Variants in ADGRV1 observed in about 807,000 individuals in gnomAD.
The protein encoded by ADGRV1 is G-protein coupled receptor 98.
In ADGRV1, 359 loss-of-function variants were observed where a neutral mutation model predicts 596.2. The ratio of observed to expected loss-of-function variants is 0.60; its 90% CI spans 0.55 to 0.66. The LOEUF (loss-of-function observed/expected upper bound fraction) is 0.66, where lower values mean the gene tolerates loss of function less well. Among genes scored for constraint, ADGRV1 ranks in the 30% least tolerant of loss-of-function variants. The pLI, the probability that ADGRV1 is intolerant of heterozygous loss-of-function variation, is 0.00. For missense variants in ADGRV1, 7,274 were observed against 7,575.6 expected, an observed-to-expected ratio of 0.96 and a Z score of 1.48; for synonymous variants, 2,681 against 2,679.2, an observed-to-expected ratio of 1.00 and a Z score of -0.02.
At chr5:90,617,513 T>TAA (rs1763520743) in intron 2 of ADGRV1, 2 of 206,224 alleles carry the variant, frequency 9.7e-6, no homozygotes, top group Non-Finnish European at 2.0e-5. Context: ...TTTCACCATA[T>TAA]TGGCCAGGCT....
rs1761522267 is a variant in ADGRV1 at position 90,802,866 on chromosome 5, A to C, written c.14645A>C (p.Lys4882Thr). The C allele has an allele frequency of 6.2e-7, 1 of 1,607,144 alleles. No homozygotes were observed. Among genetic ancestry groups the C allele is most frequent in the Non-Finnish European group, 8.5e-7 (1 of 1,176,652 alleles). The change falls in exon 71 of 90, where the codon AAA becomes ACA. Residue 4882 changes from lysine to threonine, a missense_variant. Around this residue, in one of 5 missense-constraint regions of ADGRV1, gnomAD observed 1,874 missense variants for 1,970.2 expected, o/e 0.95. Coordinates refer to ENST00000405460, the MANE Select transcript of ADGRV1 (RefSeq NM_032119.4). Reference protein sequence around the residue: ...AKSAVLPVSEKAANSQVGFES... With the variant: ...AKSAVLPVSETAANSQVGFES... ...TCTGCTGTCCTTCCAGTCTCTGAGA[A>C]AGCTGCCAATTCTCAGGTAATTGGC...
At chr5:90,743,504 A>C (rs1754229103) in intron 50 of ADGRV1, among the ~76,000 whole-genome samples, 1 of 137,564 alleles carries the variant, frequency 7.3e-6, no homozygotes, top group Admixed American at 7.7e-5. Flanking sequence ...TGGAGTCTTA[A>C]TGTGTCGCCC....
intron 57 of ADGRV1, among the ~76,000 whole-genome samples, chr5:90,758,895 T>C (rs1346833586): frequency 6.6e-6 from 1 of 152,212 alleles, no homozygotes; most frequent in African/African-American, 2.4e-5. Context: ...TCTTTTTGAC[T>C]ACGTTGCAAG....
At chr5:90,734,581 ATTTTTTTTT>A (rs3045850) in intron 50 of ADGRV1, among the ~76,000 whole-genome samples, 2 of 101,100 alleles carry the variant, frequency 2.0e-5, no homozygotes, top group Admixed American at 1.2e-4. Context: ...TCTTTAGCCT[ATTTTTTTTT>A]TTTTTTTTTT....
intron 64 of ADGRV1, chr5:90,779,555 C>T (rs1427521636): frequency 1.3e-5 from 2 of 152,304 alleles, no homozygotes; most frequent in African/African-American, 4.8e-5. Context: ...GATGCTTGCC[C>T]CATAGTTTTA....
rs1010574594 is a variant in ADGRV1 at position 90,807,467 on chromosome 5, T to C, written c.14837-135T>C. ...AAGTTTACCTCTCCCCCGACCCCTT[T>C]TTAAAAATGTTTTACCTTTTGTGAA... On this transcript the variant is annotated intron_variant, in intron 72 of 89. Coordinates refer to ENST00000405460, the MANE Select transcript of ADGRV1 (RefSeq NM_032119.4). 9 of 864,700 alleles carry C rather than the reference T, an allele frequency of 1.0e-5. No homozygotes were observed. The African/African-American group carries it at 1.5e-4, about 15-fold the overall frequency. The allele number at this position is 864,700 out of a possible 1,614,324, so 53.6% of individuals were successfully genotyped here.
intron 83 of ADGRV1, among the ~76,000 whole-genome samples, chr5:90,917,478 T>C (rs760796546): frequency 4.6e-5 from 7 of 151,806 alleles, no homozygotes; most frequent in Non-Finnish European, 7.4e-5. Flanking sequence ...GCCAACCATG[T>C]GCTAGCAGTG....
intron 70 of ADGRV1, among the ~76,000 whole-genome samples, chr5:90,795,666 C>T (rs977046332): frequency 6.6e-6 from 1 of 152,220 alleles, no homozygotes; most frequent in Admixed American, 6.5e-5. Context: ...AGACTGCCTC[C>T]TCAAGTGGAT....
intron 37 of ADGRV1, 143 bp downstream of exon 37, chr5:90,705,722 C>T: frequency 1.5e-6 from 1 of 645,526 alleles, no homozygotes; most frequent in South Asian, 2.2e-5. Context: ...TTTATAACTT[C>T]TTTATCTTTG....
intron 83 of ADGRV1, among the ~76,000 whole-genome samples, chr5:90,906,095 A>G (rs1367856314): frequency 6.6e-6 from 1 of 152,106 alleles, no homozygotes; most frequent in Non-Finnish European, 1.5e-5. Context: ...ACCATGATGA[A>G]TAATGTTTTT....
At chr5:90,945,385 A>G (rs972872075) in intron 83 of ADGRV1, among the ~76,000 whole-genome samples, 1 of 152,160 alleles carries the variant, frequency 6.6e-6, no homozygotes, top group Non-Finnish European at 1.5e-5. Context: ...CTGTGGTTCA[A>G]GCAGGGCTTC....
chr5:90,662,512 G>A lies in ADGRV1; in HGVS notation c.4752+4234G>A, dbSNP rs537978777. 2.4e-4 allele frequency among the ~76,000 whole-genome samples: 36 copies of A among 152,052 alleles called. No individual in the cohort carries two copies. In the South Asian group the frequency reaches 7.3e-3, roughly 31 times the overall value. Reference sequence around the variant, plus strand: ...CCAGCCAGTTAAAGTACTTTTTAAAGCAAACCTCAGGCGTTATGTTATTTC... The same window carrying A: ...CCAGCCAGTTAAAGTACTTTTTAAAACAAACCTCAGGCGTTATGTTATTTC... On this transcript the variant is annotated intron_variant, in intron 21 of 89. Transcript: ENST00000405460.
intron 85 of ADGRV1, among the ~76,000 whole-genome samples, chr5:91,025,554 G>A (rs1422256750): frequency 6.6e-6 from 1 of 152,140 alleles, no homozygotes; most frequent in Non-Finnish European, 1.5e-5. Flanking sequence ...GGAAGGGCAT[G>A]CTGTCAGATA....
At chr5:90,746,763 A>C (rs1754676061) in intron 52 of ADGRV1, among the ~76,000 whole-genome samples, 1 of 152,208 alleles carries the variant, frequency 6.6e-6, no homozygotes, top group Admixed American at 6.5e-5. Flanking sequence ...AGACTCTAGA[A>C]AATGGCTTAT....
intron 1 of ADGRV1, among the ~76,000 whole-genome samples, chr5:90,586,235 AAT>A (rs757497987): frequency 2.0e-5 from 3 of 152,248 alleles, no homozygotes; most frequent in Admixed American, 6.5e-5. Flanking sequence ...ATGTCTACAT[AAT>A]ATAGAGTGCA....
At chr5:90,575,436 A>G (rs1476509016) in intron 1 of ADGRV1, among the ~76,000 whole-genome samples, 1 of 152,040 alleles carries the variant, frequency 6.6e-6, no homozygotes, top group East Asian at 1.9e-4. Flanking sequence ...TATTTTTAGT[A>G]GAGATGGGGT....
chr5:90,778,203 CGT>C lies in ADGRV1; in HGVS notation c.12666+176_12666+177del, dbSNP rs754701646. Among the ~76,000 whole-genome samples the C allele has an allele frequency of 3.4e-4, 51 of 148,302 alleles. No homozygotes were observed. In the East Asian group the frequency reaches 5.3e-3, roughly 15 times the overall value. On this transcript the variant is annotated intron_variant, in intron 62 of 89. Coordinates refer to ENST00000405460, the MANE Select transcript of ADGRV1 (RefSeq NM_032119.4). The stretch of plus-strand genomic sequence containing the variant: ...TTACAGCATTTGTGGTTGGCGTGCA[CGT>C]GTGTGTGTGTGTGTGGTGTGTGTGT...
At chr5:91,161,356 G>C (rs910698252) in intron 89 of ADGRV1, among the ~76,000 whole-genome samples, 3 of 152,184 alleles carry the variant, frequency 2.0e-5, no homozygotes, top group Admixed American at 2.0e-4. Context: ...ATTTATGGTA[G>C]TCCATAAATG....
intron 87 of ADGRV1, among the ~76,000 whole-genome samples, chr5:91,147,176 TAAAAAAAAAA>T (rs57619661): frequency 9.9e-6 from 1 of 100,818 alleles, no homozygotes; most frequent in African/African-American, 3.6e-5. Context: ...GACCTTGTCT[TAAAAAAAAAA>T]AAAAAAAAAA....
Sources: gnomAD v4.1 joint callset for allele counts (sites outside exome capture counted in the v4.1 genomes callset) on GRCh38, gnomAD v4.1.1 for gene constraint, gnomAD v4.1.1 regional missense constraint, MANE v1.5 for transcripts, NCBI Gene and HGNC (gene_info 2026-07-23, HGNC 2026-07-21) for gene names.